CLCA4: variants seen among roughly 807,000 people sequenced by gnomAD.
CLCA4 encodes calcium-activated chloride channel regulator 4.
CLCA4 carries 69 observed loss-of-function variants against 78.9 expected under a neutral mutation model. That is an observed-to-expected ratio of 0.87 (90% CI 0.72 to 1.07). CLCA4 has a LOEUF of 1.07. CLCA4 is among the 50% of genes least tolerant of loss of function. The pLI is 0.00. For synonymous variants in CLCA4, 362 were observed against 375.8 expected (o/e 0.96, Z 0.42); for missense variants, 1,133 against 1,095.8 (o/e 1.03, Z -0.48).
intron 1 of CLCA4, among the ~76,000 whole-genome samples, chr1:86,549,534 A>G (rs1649596580): frequency 6.6e-6 from 1 of 152,206 alleles, no homozygotes; most frequent in African/African-American, 2.4e-5. Context: ...CCCATCCTCT[A>G]TAAACTCTGT....
intron 7 of CLCA4, 30 bp downstream of exon 7, chr1:86,567,681 T>C: frequency 1.3e-6 from 2 of 1,565,974 alleles, no homozygotes; most frequent in Non-Finnish European, 1.7e-6. Flanking sequence ...TATATTTTGG[T>C]TTTTGTTTCT....
chr1:86,563,742 C>T lies in CLCA4; in HGVS notation c.530C>T (p.Ala177Val). 1.2e-6 allele frequency: 2 copies of T among 1,607,628 alleles called. No individual in the cohort carries two copies. The highest frequency in any genetic ancestry group is 2.2e-5 in the South Asian group (2 of 90,158). Reference sequence around the variant, plus strand: ...AATGAAGATCAGCCTTTCTACCGTGCTAAGTCAAAAAAAATCGAAGCAACA... The same window carrying T: ...AATGAAGATCAGCCTTTCTACCGTGTTAAGTCAAAAAAAATCGAAGCAACA... ...EYNEDQPFYR[A>V]KSKKIEATRC... is the part of the protein sequence containing the mutation. The change falls in exon 4 of 14, where the codon GCT becomes GTT. Residue 177 changes from alanine to valine, a missense_variant. Coordinates refer to ENST00000370563, the MANE Select transcript of CLCA4 (RefSeq NM_012128.4).
Position 86,571,171 on chromosome 1 carries a change from T to C in CLCA4, c.1277T>C (p.Val426Ala), listed in dbSNP as rs775221443. The change falls in exon 8 of 14, where the codon GTG (valine) becomes GCG (alanine). Residue 426 changes from valine (V) to alanine (A), a missense_variant. By Grantham distance (64) the Val-to-Ala change is moderately conservative. Coordinates refer to ENST00000370563, the MANE Select transcript of CLCA4 (RefSeq NM_012128.4). ...ACTGCAAGTTCTTGTATTGATGAAG[T>C]GAAACAAAGTGGGGCCATTGTTCAT... is the stretch of plus-strand genomic sequence containing the variant. ...DNTASSCIDE[V>A]KQSGAIVHFI... The C allele has an allele frequency of 1.4e-5, 22 of 1,612,870 alleles. No individual in the cohort carries two copies. The highest frequency in any genetic ancestry group is 4.0e-5 in the African/African-American group (3 of 74,836).
intron 3 of CLCA4, among the ~76,000 whole-genome samples, chr1:86,562,869 A>AAAAAG (rs1553193603): frequency 6.7e-6 from 1 of 148,290 alleles, no homozygotes. Flanking sequence ...AAAAAAAAAA[A>AAAAAG]AAGAAGAAGA....
At position 86,580,257 on chromosome 1, in the gene CLCA4, A is replaced by C. The variant is rs753650612; in HGVS notation, c.2672A>C (p.His891Pro). The C allele has an allele frequency of 6.2e-7, 1 of 1,611,716 alleles. No individual in the cohort carries two copies. Among genetic ancestry groups the C allele is most frequent in the East Asian group, 2.2e-5 (1 of 44,730 alleles). ...CCTACTCCTACTCCTGATAAAAGTC[A>C]TAATTCTGGAGTTAATATTTCTACG... ...PTPTPTPDKS[H>P]NSGVNISTLV... is the part of the protein sequence containing the mutation. The change falls in exon 14 of 14, where the codon CAT becomes CCT. Residue 891 changes from histidine to proline, a missense_variant. By Grantham distance (77) the His-to-Pro change is moderately conservative. Coordinates refer to ENST00000370563, the MANE Select transcript of CLCA4 (RefSeq NM_012128.4).
Position 86,560,211 on chromosome 1 carries a change from G to T in CLCA4, c.301G>T (p.Ala101Ser), listed in dbSNP as rs547722990. The part of the protein sequence containing the change: ...KRPKHENHKH[A>S]DVIVAPPTLP... ...TGACAATCTTTTTCAACATTCTCAG[G>T]CTGATGTTATAGTTGCACCACCTAC... The change falls in exon 3 of 14, where the codon GCT (alanine) becomes TCT (serine). Residue 101 changes from alanine (A) to serine (S), a missense_variant and splice_region_variant. By Grantham distance (99) the Ala-to-Ser change is moderately conservative. Coordinates refer to ENST00000370563, the MANE Select transcript of CLCA4 (RefSeq NM_012128.4). The T allele has an allele frequency of 1.3e-5, 21 of 1,601,696 alleles. No individual in the cohort carries two copies. The highest frequency in any genetic ancestry group is 3.4e-5 in the South Asian group (3 of 87,574).
At chr1:86,550,045 C>G (rs987329916) in intron 1 of CLCA4, among the ~76,000 whole-genome samples, 9 of 152,150 alleles carry the variant, frequency 5.9e-5, no homozygotes, top group African/African-American at 1.9e-4. Flanking sequence ...TCCCTGATAT[C>G]AACATATACT....
chr1:86,562,669 G>A (rs1570325675), intron 3 of CLCA4, among the ~76,000 whole-genome samples: 3 of 151,774 alleles, frequency 2.0e-5, no homozygotes, highest in East Asian at 1.9e-4. Context: ...CCTGGCCAAC[G>A]TGGTGAAACC....
intron 7 of CLCA4, among the ~76,000 whole-genome samples, chr1:86,569,432 A>T (rs753865033): frequency 3.3e-5 from 5 of 152,004 alleles, no homozygotes; most frequent in Non-Finnish European, 5.9e-5. Context: ...ATCTTAAAAA[A>T]CTTCAAAAAA....
chr1:86,570,079 A>T (rs1650303923), intron 7 of CLCA4, among the ~76,000 whole-genome samples: 1 of 151,914 alleles, frequency 6.6e-6, no homozygotes, highest in Admixed American at 6.6e-5. Context: ...CATATATTGC[A>T]ATATATATAT....
rs1650689185 is a variant in CLCA4 at position 86,580,569 on chromosome 1, G to T, written c.*224G>T. ...TAAAATTTAATAGTTTCATTTATTTGTTATTTTATTTGTAAGAAATAGTGA... is the reference window on the plus strand; with the variant it reads ...TAAAATTTAATAGTTTCATTTATTTTTTATTTTATTTGTAAGAAATAGTGA... On this transcript the variant is annotated 3_prime_UTR_variant, in exon 14 of 14. Transcript: ENST00000370563. 1 of 371,516 alleles carries T rather than the reference G, an allele frequency of 2.7e-6. No individual in the cohort carries two copies. The highest frequency in any genetic ancestry group is 2.1e-5 in the African/African-American group (1 of 48,018). The allele number at this position is 371,516 out of a possible 1,614,324, so 23.0% of individuals were successfully genotyped here.
chr1:86,547,171 C>T lies in CLCA4; in HGVS notation c.52C>T (p.Gln18Ter). The change falls in exon 1 of 14, where the codon CAG (glutamine) becomes TAG (stop). Residue 18 changes from glutamine to a stop codon, truncating the protein, a stop_gained. Transcript: ENST00000370563. LOFTEE classifies it high-confidence loss of function. ...VFLLVLCLLHQSNTSFIKLNN... is the reference protein window; with the variant it reads ...VFLLVLCLLH ...CCTCTTAGTTCTGTGCCTGCTGCAC[C>T]AGTCAAATACTTCCTTCATTAAGCT... is the stretch of plus-strand genomic sequence containing the variant. 1 of 1,611,972 alleles carries T rather than the reference C, an allele frequency of 6.2e-7. No homozygotes were observed. Among genetic ancestry groups the T allele is most frequent in the Admixed American group, 1.7e-5 (1 of 59,608 alleles).
chr1:86,560,146 GTCTT>G, intron 2 of CLCA4, 61 bp from the exon 3 acceptor site: 1 of 1,561,670 alleles, frequency 6.4e-7, no homozygotes, highest in Non-Finnish European at 8.6e-7. Context: ...TTATTTAAGA[GTCTT>G]TCTAACTGAA....
At chr1:86,572,946 C>T (rs531431740) in intron 9 of CLCA4, 32 of 503,956 alleles carry the variant, frequency 6.3e-5, no homozygotes, top group African/African-American at 5.2e-4. Context: ...TTTCCTATTG[C>T]CATGGGTTTG....
Position 86,578,040 on chromosome 1 carries a change from G to T in CLCA4, c.2090G>T (p.Arg697Ile). ...ARLKLRPPLN[R>I]AAYIPGWVVN... is the part of the protein sequence containing the mutation. ...CTAAAATTACGGCCTCCACTGAATA[G>T]AGCCGCGTACATACCAGGCTGGGTA... Residue 697 changes from arginine (R) to isoleucine (I), a missense_variant, in exon 12 of 14, where the codon AGA becomes ATA. Arg to Ile is a moderately conservative substitution (Grantham distance 97, BLOSUM62 -3). Transcript: ENST00000370563. 6.2e-7 allele frequency: 1 copy of T among 1,612,558 alleles called. No individual in the cohort carries two copies. The highest frequency in any genetic ancestry group is 1.1e-5 in the South Asian group (1 of 90,998).
rs2231604 is a variant in CLCA4 at position 86,580,013 on chromosome 1, G to C, written c.2428G>C (p.Val810Leu). The C allele has an allele frequency of 0.011, 16,905 of 1,609,680 alleles. 1,331 individuals carry two copies. In the African/African-American group the frequency reaches 0.18, roughly 17 times the overall value. Residue 810 changes from valine (V) to leucine (L), a missense_variant, in exon 14 of 14, where the codon GTA (valine) becomes CTA (leucine). Transcript: ENST00000370563. ...LRDSFDDALQ[V>L]NTTDLSPKEA... ...AGACAGTTTTGATGATGCTCTTCAA[G>C]TAAATACTACTGATCTGTCACCAAA...
chr1:86,576,826 A>C (rs772597), intron 11 of CLCA4, among the ~76,000 whole-genome samples: 121,110 of 151,890 alleles, frequency 0.8, 48,570 homozygotes, highest in East Asian at 0.94. Flanking sequence ...GTTGGCCATT[A>C]TCTGTCTCCC....
intron 1 of CLCA4, among the ~76,000 whole-genome samples, chr1:86,558,412 C>T (rs1254289936): frequency 6.6e-6 from 1 of 152,076 alleles, no homozygotes; most frequent in Non-Finnish European, 1.5e-5. Context: ...TAATGAATTT[C>T]CTTTGACAAG....
intron 7 of CLCA4, among the ~76,000 whole-genome samples, chr1:86,568,377 A>G (rs1650259968): frequency 6.7e-6 from 1 of 148,618 alleles, no homozygotes; most frequent in Non-Finnish European, 1.5e-5. Flanking sequence ...TACTAATTAT[A>G]TAATAATTTA....
Sources: allele counts gnomAD v4.1 joint callset (sites outside exome capture counted in the v4.1 genomes callset), GRCh38; gene constraint gnomAD v4.1.1; transcripts MANE v1.5; gene names NCBI Gene and HGNC (gene_info 2026-07-23, HGNC 2026-07-21).